The following RBFOX3 variants were observed in gnomAD, a reference collection of about 807,000 sequenced individuals.
The protein encoded by RBFOX3 is RNA binding fox-1 homolog 3.
RBFOX3 carries 17 observed loss-of-function variants against 48.7 expected under a neutral mutation model. That is an observed-to-expected ratio of 0.35 (90% CI 0.24 to 0.52). The LOEUF (loss-of-function observed/expected upper bound fraction) is 0.52, where lower values mean the gene tolerates loss of function less well. Ranked by LOEUF, RBFOX3 falls within the 20% of genes least tolerant of loss-of-function variation. The pLI, the probability that RBFOX3 is intolerant of heterozygous loss-of-function variation, is 0.94. For synonymous variants in RBFOX3, 212 were observed against 209.5 expected (o/e 1.01, Z -0.10); for missense variants, 382 against 497.5 (o/e 0.77, Z 2.21).
intron 1 of RBFOX3, among the ~76,000 whole-genome samples, chr17:79,603,215 C>T (rs2093748594): frequency 2.0e-5 from 3 of 152,136 alleles, no homozygotes; most frequent in South Asian, 2.1e-4. Flanking sequence ...TGGTGTTGAG[C>T]TCCTGACCTC....
the RBFOX3 span, among the ~76,000 whole-genome samples, chr17:79,642,922 T>C: frequency 6.6e-6 from 1 of 152,090 alleles, no homozygotes; most frequent in Non-Finnish European, 1.5e-5. Flanking sequence ...CTGAGCAACA[T>C]AGAGAGACCT....
intron 3 of RBFOX3, among the ~76,000 whole-genome samples, chr17:79,296,306 C>A (rs1202383204): frequency 4.5e-4 from 34 of 75,886 alleles, no homozygotes; most frequent in African/African-American, 1.7e-3. Flanking sequence ...ACACACACAC[C>A]ACACACACAC....
chr17:79,168,385 G>T (rs866560963), intron 4 of RBFOX3, among the ~76,000 whole-genome samples: 2 of 152,378 alleles, frequency 1.3e-5, no homozygotes, highest in African/African-American at 2.4e-5. Context: ...TGACCAAATG[G>T]AAATAGTCAA....
At chr17:79,190,974 A>C (rs1049429343) in intron 4 of RBFOX3, among the ~76,000 whole-genome samples, 4 of 152,176 alleles carry the variant, frequency 2.6e-5, no homozygotes, top group Non-Finnish European at 5.9e-5. Context: ...GGCCGGCATG[A>C]ATTTGCACCA....
intron 4 of RBFOX3, among the ~76,000 whole-genome samples, chr17:79,175,792 C>T (rs896151505): frequency 1.3e-5 from 2 of 152,240 alleles, no homozygotes; most frequent in Non-Finnish European, 2.9e-5. Context: ...GCAGCAGGTC[C>T]GAGCTGCGGG....
intron 2 of RBFOX3, among the ~76,000 whole-genome samples, chr17:79,441,538 A>G (rs2070915784): frequency 6.6e-6 from 1 of 152,196 alleles, no homozygotes; most frequent in African/African-American, 2.4e-5. Flanking sequence ...GGGACAGCGG[A>G]CAGCCCCCAG....
intron 1 of RBFOX3, among the ~76,000 whole-genome samples, chr17:79,510,257 G>A (rs1056090762): frequency 6.6e-6 from 1 of 152,184 alleles, no homozygotes; most frequent in East Asian, 1.9e-4. Flanking sequence ...GCCAGGCCCC[G>A]GGACTCTCGG....
At position 79,249,501 on chromosome 17, in the gene RBFOX3, C is replaced by T. The variant is rs539406093; in HGVS notation, c.-73-13696G>A. Among the ~76,000 whole-genome samples the T allele has an allele frequency of 6.6e-6, 1 of 152,002 alleles. No individual in the cohort carries two copies. Among genetic ancestry groups the T allele is most frequent in the African/African-American group, 2.4e-5 (1 of 41,368 alleles). ...AACGGGCTTGGGGTGTGCTTTTTCA[C>T]CTGCAAACCGGCCAACCAGATCCCA... On this transcript the variant is annotated intron_variant, in intron 3 of 14. Coordinates refer to ENST00000693108, the MANE Select transcript of RBFOX3 (RefSeq NM_001350451.2). This position sits in a 1 kb window ranked among gnomAD's most constrained non-coding sequence, Gnocchi z 4.1.
intron 2 of RBFOX3, among the ~76,000 whole-genome samples, chr17:79,454,142 A>C (rs573800403): frequency 6.6e-6 from 1 of 152,136 alleles, no homozygotes; most frequent in African/African-American, 2.4e-5. Flanking sequence ...CCCCCATGCC[A>C]ACCTGGCACC....
At chr17:79,109,545 G>T (rs2029887681) in intron 5 of RBFOX3, among the ~76,000 whole-genome samples, 1 of 152,208 alleles carries the variant, frequency 6.6e-6, no homozygotes, top group Non-Finnish European at 1.5e-5. Flanking sequence ...ACCTCCGGAG[G>T]GGACGACCTT....
At chr17:79,094,948 A>G (rs1430686773) in intron 13 of RBFOX3, among the ~76,000 whole-genome samples, 1 of 152,172 alleles carries the variant, frequency 6.6e-6, no homozygotes, top group Non-Finnish European at 1.5e-5. Flanking sequence ...ACTGCCCCCA[A>G]GAATGTGACA....
At chr17:79,295,513 G>A (rs572666104) in intron 3 of RBFOX3, among the ~76,000 whole-genome samples, 1 of 152,212 alleles carries the variant, frequency 6.6e-6, no homozygotes, top group Non-Finnish European at 1.5e-5. Flanking sequence ...GGGAAGGGCA[G>A]GGGCTTCCCA....
chr17:79,098,999 C>A (rs2075937862), intron 9 of RBFOX3: 1 of 152,288 alleles, frequency 6.6e-6, no homozygotes, highest in Non-Finnish European at 1.5e-5. Flanking sequence ...ATGTTCCTCC[C>A]TCTGGCCAAG....
At chr17:79,463,166 G>GCCACCT (rs1414765093) in intron 2 of RBFOX3, among the ~76,000 whole-genome samples, 1 of 118,550 alleles carries the variant, frequency 8.4e-6, no homozygotes, top group Non-Finnish European at 1.9e-5. Context: ...CATCGCCACT[G>GCCACCT]CCACCTCCAC....
At chr17:79,203,178 G>C (rs139250437) in intron 4 of RBFOX3, among the ~76,000 whole-genome samples, 1 of 151,118 alleles carries the variant, frequency 6.6e-6, no homozygotes, top group African/African-American at 2.4e-5. Flanking sequence ...TAAGGACCAC[G>C]CTGCTGGTGA....
intron 4 of RBFOX3, among the ~76,000 whole-genome samples, chr17:79,221,276 C>T (rs1336415747): frequency 3.3e-5 from 5 of 152,272 alleles, no homozygotes; most frequent in Admixed American, 6.5e-5. Context: ...AGAGCCCACC[C>T]GGGCGGTTGC....
chr17:79,130,134 G>A (rs2038447623), intron 4 of RBFOX3, among the ~76,000 whole-genome samples: 1 of 152,198 alleles, frequency 6.6e-6, no homozygotes, highest in African/African-American at 2.4e-5. Context: ...CTGACAGCAG[G>A]TTTAATATCT....
chr17:79,330,139 G>A (rs533739763), intron 2 of RBFOX3, among the ~76,000 whole-genome samples: 16 of 152,300 alleles, frequency 1.1e-4, no homozygotes, highest in African/African-American at 2.6e-4. Context: ...GTGGGCGCGC[G>A]TGTACCTGCG....
intron 3 of RBFOX3, among the ~76,000 whole-genome samples, chr17:79,236,314 G>A (rs1206289433): frequency 2.0e-5 from 3 of 152,046 alleles, no homozygotes; most frequent in African/African-American, 7.2e-5. Flanking sequence ...ATTTGTTTTT[G>A]GAGATGGAGT....
Sources: gnomAD v4.1 joint callset for allele counts (sites outside exome capture counted in the v4.1 genomes callset) on GRCh38, gnomAD v4.1.1 for gene constraint, Gnocchi (gnomAD v3.1) non-coding constraint, MANE v1.5 for transcripts, NCBI Gene and HGNC (gene_info 2026-07-23, HGNC 2026-07-21) for gene names.